The following GPC5 variants were observed in gnomAD, a reference collection of about 807,000 sequenced individuals.
GPC5 encodes glypican 5, also known as glypican-5.
GPC5 carries 47 observed loss-of-function variants against 53.9 expected under a neutral mutation model. That is an observed-to-expected ratio of 0.87 (90% CI 0.69 to 1.11). The LOEUF (loss-of-function observed/expected upper bound fraction) is 1.11, where lower values mean the gene tolerates loss of function less well. Among genes scored for constraint, GPC5 ranks in the 50% most tolerant of loss-of-function variants. The pLI is 0.00. For missense variants in GPC5, 748 were observed against 713.1 expected (o/e 1.05, Z -0.56); for synonymous variants, 286 against 263.3 (o/e 1.09, Z -0.84).
chr13:91,750,586 G>A (rs1478007908), intron 4 of GPC5, among the ~76,000 whole-genome samples: 2 of 151,526 alleles, frequency 1.3e-5, no homozygotes, highest in African/African-American at 4.9e-5. Flanking sequence ...AAGTAGTCGT[G>A]TGCTAGCTTG....
In GPC5 at chr13:92,005,369, G is replaced by A. The variant is rs188481169; in HGVS notation, c.1401+97312G>A. On this transcript the variant is annotated intron_variant, in intron 6 of 7. Transcript: ENST00000377067. ...AACTCACTCTGCCACCATAGTCTTC[G>A]CCTTGATTTCTCCTCCCGTTTGGCT... Among the ~76,000 whole-genome samples the A allele has an allele frequency of 4.4e-3, 662 of 152,084 alleles. 5 individuals carry two copies. The highest frequency in any genetic ancestry group is 0.015 in the African/African-American group (619 of 41,468).
intron 6 of GPC5, among the ~76,000 whole-genome samples, chr13:91,989,541 T>C (rs2040438326): frequency 6.6e-6 from 1 of 152,222 alleles, no homozygotes; most frequent in African/African-American, 2.4e-5. Context: ...TGGTTATTGC[T>C]TTGGTGTAAA....
At chr13:91,482,641 T>G (rs1242676656) in intron 2 of GPC5, among the ~76,000 whole-genome samples, 2 of 152,222 alleles carry the variant, frequency 1.3e-5, no homozygotes, top group East Asian at 3.9e-4. Flanking sequence ...ACCAGTGCCT[T>G]AGCTGATTTG....
intron 2 of GPC5, among the ~76,000 whole-genome samples, chr13:91,513,614 G>A (rs1481531890): frequency 6.6e-6 from 1 of 152,076 alleles, no homozygotes. Flanking sequence ...GATGACATGT[G>A]CCTGTGGTCC....
intron 7 of GPC5, among the ~76,000 whole-genome samples, chr13:92,813,154 T>G (rs1161030195): frequency 1.3e-5 from 2 of 151,824 alleles, no homozygotes; most frequent in Admixed American, 6.6e-5. Context: ...TAACTTGGAG[T>G]TCTGTAATTC....
intron 7 of GPC5, among the ~76,000 whole-genome samples, chr13:92,480,913 G>A (rs960326432): frequency 6.6e-6 from 1 of 152,050 alleles, no homozygotes; most frequent in Non-Finnish European, 1.5e-5. Flanking sequence ...GATTAAGAAA[G>A]ACTCACCTAG....
At position 92,021,400 on chromosome 13, in the gene GPC5, C is replaced by T. The variant is rs60258445; in HGVS notation, c.1401+113343C>T. Among the ~76,000 whole-genome samples the T allele has an allele frequency of 9.2e-3, 1,399 of 152,170 alleles. 22 individuals are homozygous for T. Among genetic ancestry groups the T allele is most frequent in the African/African-American group, 0.032 (1,343 of 41,524 alleles). On this transcript the variant is annotated intron_variant, in intron 6 of 7. Coordinates refer to ENST00000377067, the MANE Select transcript of GPC5 (RefSeq NM_004466.6). The stretch of plus-strand genomic sequence containing the variant: ...CAGAAAGACAAATCCTGTGTGATTC[C>T]ACTTATATGAGATATCTAAGTAGTC...
chr13:92,566,501 G>A (rs553763768), intron 7 of GPC5, among the ~76,000 whole-genome samples: 1 of 152,166 alleles, frequency 6.6e-6, no homozygotes, highest in African/African-American at 2.4e-5. Flanking sequence ...GGCCCCAAGG[G>A]AGTTGAAAGT....
At chr13:91,920,213 C>T (rs573025968) in intron 6 of GPC5, among the ~76,000 whole-genome samples, 2 of 152,006 alleles carry the variant, frequency 1.3e-5, no homozygotes, top group Middle Eastern at 3.4e-3. Flanking sequence ...AATGAGAAAA[C>T]AGATTGCATT....
intron 7 of GPC5, among the ~76,000 whole-genome samples, chr13:92,838,358 CT>C (rs1302151261): frequency 6.6e-6 from 1 of 151,596 alleles, no homozygotes; most frequent in African/African-American, 2.4e-5. Context: ...GTGGTGGGCA[CT>C]TGTAGTCCCA....
At chr13:91,916,239 GAC>G (rs1299588317) in intron 6 of GPC5, among the ~76,000 whole-genome samples, 2 of 152,204 alleles carry the variant, frequency 1.3e-5, no homozygotes, top group East Asian at 3.9e-4. Flanking sequence ...AAAAAAAAAT[GAC>G]AGTTCCTCAA....
At chr13:92,181,686 G>A (rs918138660) in intron 7 of GPC5, among the ~76,000 whole-genome samples, 3 of 152,140 alleles carry the variant, frequency 2.0e-5, no homozygotes, top group African/African-American at 4.8e-5. Context: ...TAACCTACTA[G>A]AAATGAGAGC....
At chr13:92,383,684 A>G (rs996766491) in intron 7 of GPC5, among the ~76,000 whole-genome samples, 2 of 152,178 alleles carry the variant, frequency 1.3e-5, no homozygotes, top group African/African-American at 2.4e-5. Context: ...ATATCTCTTT[A>G]TGTAATTATT....
At chr13:92,062,061 G>A (rs1378803088) in intron 6 of GPC5, among the ~76,000 whole-genome samples, 2 of 151,676 alleles carry the variant, frequency 1.3e-5, no homozygotes, top group Admixed American at 6.6e-5. Context: ...GACTTTCCAA[G>A]CTTTCTTATT....
intron 6 of GPC5, among the ~76,000 whole-genome samples, chr13:91,962,797 C>T (rs2040138193): frequency 6.6e-6 from 1 of 152,140 alleles, no homozygotes; most frequent in Non-Finnish European, 1.5e-5. Flanking sequence ...AATGATTCTG[C>T]TGGTAACAAA....
At chr13:91,848,383 T>G (rs531000590) in intron 5 of GPC5, among the ~76,000 whole-genome samples, 2 of 152,326 alleles carry the variant, frequency 1.3e-5, no homozygotes, top group South Asian at 4.1e-4. Flanking sequence ...GAATTTAAAA[T>G]GTAAGTCGGC....
intron 6 of GPC5, among the ~76,000 whole-genome samples, chr13:92,135,457 C>T (rs758596090): frequency 7.2e-5 from 11 of 152,020 alleles, no homozygotes; most frequent in Non-Finnish European, 1.5e-4. Context: ...GTTTGGACAA[C>T]GACACAAATT....
At chr13:91,574,618 T>C (rs1479639979) in intron 2 of GPC5, among the ~76,000 whole-genome samples, 2 of 152,126 alleles carry the variant, frequency 1.3e-5, no homozygotes, top group African/African-American at 2.4e-5. Flanking sequence ...GTTATAGAGT[T>C]GCTGGCAAGA....
chr13:92,751,955 TA>T lies in GPC5; in HGVS notation c.1562-114319del, dbSNP rs569740575. Among the ~76,000 whole-genome samples the T allele has an allele frequency of 3.3e-3, 494 of 151,716 alleles. 3 individuals carry two copies. The highest frequency in any genetic ancestry group is 0.011 in the African/African-American group (471 of 41,374). On this transcript the variant is annotated intron_variant, in intron 7 of 7. Coordinates refer to ENST00000377067, the MANE Select transcript of GPC5 (RefSeq NM_004466.6). Reference sequence around the variant, plus strand: ...CGTTTTCAGTTACTTTGTTACCTTGTAAAAAAAAGTTTTCATTTGTATCTAA... The same window carrying T: ...CGTTTTCAGTTACTTTGTTACCTTGTAAAAAAAGTTTTCATTTGTATCTAA...
Sources: allele counts gnomAD v4.1 joint callset (sites outside exome capture counted in the v4.1 genomes callset), GRCh38; gene constraint gnomAD v4.1.1; transcripts MANE v1.5; gene names NCBI Gene and HGNC (gene_info 2026-07-23, HGNC 2026-07-21).